The following TVP23A variants were observed in gnomAD, a reference collection of about 807,000 sequenced individuals.
The protein encoded by TVP23A is Golgi apparatus membrane protein TVP23 homolog A.
Under a neutral mutation model 31.7 loss-of-function variants are expected in TVP23A, and 21 were observed. The ratio of observed to expected loss-of-function variants is 0.66; its 90% CI spans 0.47 to 0.95. The LOEUF is 0.95. Ranked by LOEUF, TVP23A falls within the 40% of genes least tolerant of loss-of-function variation. The pLI is 0.00. For missense variants in TVP23A, 279 were observed against 255.6 expected (o/e 1.09, Z -0.62); for synonymous variants, 104 against 96.0 (o/e 1.08, Z -0.49).
At chr16:10,797,424 T>C (rs1453145135) in intron 2 of TVP23A, among the ~76,000 whole-genome samples, 2 of 150,716 alleles carry the variant, frequency 1.3e-5, no homozygotes, top group African/African-American at 2.4e-5. Context: ...TGGTGGCACA[T>C]GCCTGTAATC....
downstream of TVP23A, chr16:10,765,035 G>C (rs2030659575): frequency 6.4e-6 from 1 of 157,288 alleles, no homozygotes; most frequent in Non-Finnish European, 1.4e-5. The surrounding 1 kb of genome is among the most constrained non-coding windows in gnomAD (Gnocchi z 4.0). Context: ...CTGCCCGAGT[G>C]CCATGCTCGT....
chr16:10,791,118 C>A (rs1025459896), intron 2 of TVP23A, among the ~76,000 whole-genome samples: 1 of 152,114 alleles, frequency 6.6e-6, no homozygotes, highest in Non-Finnish European at 1.5e-5. Flanking sequence ...TCAGAGAGAG[C>A]CCTCCAGCAG....
downstream of TVP23A, among the ~76,000 whole-genome samples, chr16:10,764,200 G>T (rs2030487318): frequency 6.6e-6 from 1 of 152,254 alleles, no homozygotes; most frequent in African/African-American, 2.4e-5. Flanking sequence ...GCCCGAAGGA[G>T]CGTCTCAGCC....
chr16:10,803,691 C>A (rs566529576), intron 2 of TVP23A, among the ~76,000 whole-genome samples: 1 of 152,096 alleles, frequency 6.6e-6, no homozygotes, highest in Non-Finnish European at 1.5e-5. Flanking sequence ...ATGAGGCTCT[C>A]GGTTCTTTAT....
At position 10,770,323 on chromosome 16, in the gene TVP23A, T is replaced by C. The variant is rs775212256; in HGVS notation, c.591A>G (p.Pro197=). The change falls in exon 7 of 8, where the codon CCA becomes CCG. Residue 197 remains proline, a synonymous_variant. Coordinates refer to ENST00000299866, the MANE Select transcript of TVP23A (RefSeq NM_001079512.4). ...CGAGGCCAGGCTTCTGAAAGTCACC[T>C]GGGCAGGCCTGCAAGGGGAAAAGTC... ...LSQTVFQTAC[P]GDFQKPGLEG... 60 of 1,551,440 alleles carry C rather than the reference T, an allele frequency of 3.9e-5. No homozygotes were observed. Among genetic ancestry groups the C allele is most frequent in the Non-Finnish European group, 5.0e-5 (57 of 1,147,054 alleles).
At chr16:10,780,387 T>C (rs868121421) in intron 2 of TVP23A, among the ~76,000 whole-genome samples, 4 of 152,154 alleles carry the variant, frequency 2.6e-5, no homozygotes, top group African/African-American at 4.8e-5. Context: ...CTTTGTTATC[T>C]TGTCATACTT....
chr16:10,794,876 G>C (rs2033301213), intron 2 of TVP23A, among the ~76,000 whole-genome samples: 1 of 152,076 alleles, frequency 6.6e-6, no homozygotes, highest in Non-Finnish European at 1.5e-5. Flanking sequence ...TCTCAGCCCA[G>C]GGTTTCCAGG....
rs7188809 is a variant in TVP23A, at chr16:10,810,246, T to G, written c.89+7857A>C. ...AAAAAAAAATTAGCATTTGAATTGG[T>G]GGACGGAGAAAAGAAGATCCACCCT... On this transcript the variant is annotated intron_variant, in intron 2 of 7. Coordinates refer to ENST00000299866, the MANE Select transcript of TVP23A (RefSeq NM_001079512.4). Among the ~76,000 whole-genome samples the G allele has an allele frequency of 3.3e-5, 5 of 150,706 alleles. No individual in the cohort carries two copies. In the East Asian group the frequency reaches 9.7e-4, roughly 29 times the overall value.
rs2031474992 is a variant in TVP23A, at chr16:10,770,260, T to TC, written c.*11dup. 1.3e-6 allele frequency: 2 copies of TC among 1,550,722 alleles called. No individual in the cohort carries two copies. On this transcript the variant is annotated intron_variant, in intron 7 of 7. Coordinates refer to ENST00000299866, the MANE Select transcript of TVP23A (RefSeq NM_001079512.4). ...CAGTTCCTCCACACGGGTGCCATGA[T>TC]CCATTTCTCACCTAATGCTGGTGAA...
intron 2 of TVP23A, among the ~76,000 whole-genome samples, chr16:10,786,682 G>T (rs541346664): frequency 6.7e-6 from 1 of 150,248 alleles, no homozygotes; most frequent in Non-Finnish European, 1.5e-5. Context: ...ATGGGAGGGG[G>T]TGAAGATGAA....
At chr16:10,810,561 A>AG (rs2034150946) in intron 2 of TVP23A, among the ~76,000 whole-genome samples, 1 of 143,402 alleles carries the variant, frequency 7.0e-6, no homozygotes. Context: ...AAAAAAAAAA[A>AG]GAAAAGAAAA....
intron 2 of TVP23A, chr16:10,808,631 G>A (rs114042216): frequency 2.3e-6 from 1 of 441,606 alleles, no homozygotes; most frequent in African/African-American, 2.0e-5. Flanking sequence ...AATAAAATTA[G>A]CAGGGTGTAG....
At chr16:10,809,804 ACACT>A (rs1156939531) in intron 2 of TVP23A, among the ~76,000 whole-genome samples, 1 of 152,178 alleles carries the variant, frequency 6.6e-6, no homozygotes, top group East Asian at 1.9e-4. Context: ...GAAACCCACA[ACACT>A]CACTCACAGC....
chr16:10,778,699 C>T (rs551758060), intron 2 of TVP23A, among the ~76,000 whole-genome samples: 3 of 149,774 alleles, frequency 2.0e-5, no homozygotes, highest in Non-Finnish European at 4.5e-5. Flanking sequence ...GGCGCGGTGG[C>T]CCATGCCTAT....
At position 10,779,224 on chromosome 16, in the gene TVP23A, G is replaced by A. The variant is rs557935340; in HGVS notation, c.90-4128C>T. Among the ~76,000 whole-genome samples the A allele has an allele frequency of 5.3e-5, 8 of 152,254 alleles. No homozygotes were observed. The highest frequency in any genetic ancestry group is 2.1e-4 in the South Asian group (1 of 4,830). ...AAGCCCAAAGCAAGTAGAAGAGGAC[G>A]CCTGTTGCCCTTTTAAATGTTGCTT... On this transcript the variant is annotated intron_variant, in intron 2 of 7. Transcript: ENST00000299866. This position sits in a 1 kb window ranked among gnomAD's most constrained non-coding sequence, Gnocchi z 4.9.
chr16:10,773,573 G>C lies in TVP23A; in HGVS notation c.325-132C>G, dbSNP rs995248043. 5 of 1,174,104 alleles carry C rather than the reference G, an allele frequency of 4.3e-6. No homozygotes were observed. The Admixed American group carries it at 1.5e-4, about 35-fold the overall frequency. The allele number at this position is 1,174,104 out of a possible 1,614,324, so 72.7% of individuals were successfully genotyped here. A position where few individuals can be genotyped will look rare whatever the true frequency, so the allele number is the denominator to read the frequency against. On this transcript the variant is annotated intron_variant, in intron 4 of 7. Coordinates refer to ENST00000299866, the MANE Select transcript of TVP23A (RefSeq NM_001079512.4). ...GATTTTTTGTTGTTGGTGTTGTTTTGTTTTGTTTTGTTTTTGAGACAAAGT... is the reference window on the plus strand; with the variant it reads ...GATTTTTTGTTGTTGGTGTTGTTTTCTTTTGTTTTGTTTTTGAGACAAAGT...
At chr16:10,802,241 C>CGTGTGT (rs61036988) in intron 2 of TVP23A, among the ~76,000 whole-genome samples, 45 of 130,486 alleles carry the variant, frequency 3.4e-4, no homozygotes, top group East Asian at 9.6e-4. Flanking sequence ...TTATATGATA[C>CGTGTGT]GTGTGTGTGT....
At chr16:10,769,824 T>C (rs1190444819) in intron 7 of TVP23A, among the ~76,000 whole-genome samples, 2 of 152,216 alleles carry the variant, frequency 1.3e-5, no homozygotes, top group Non-Finnish European at 2.9e-5. Context: ...AACTCTACGA[T>C]CATCCTCTTT....
chr16:10,798,099 G>A (rs2033496900), intron 2 of TVP23A, among the ~76,000 whole-genome samples: 1 of 151,318 alleles, frequency 6.6e-6, no homozygotes. Flanking sequence ...GGGACTACAG[G>A]CACCTGCCAC....
Sources: gnomAD v4.1 joint callset for allele counts (sites outside exome capture counted in the v4.1 genomes callset) on GRCh38, gnomAD v4.1.1 for gene constraint, Gnocchi (gnomAD v3.1) non-coding constraint, MANE v1.5 for transcripts, NCBI Gene and HGNC (gene_info 2026-07-23, HGNC 2026-07-21) for gene names.